EYA1: variants seen among roughly 807,000 people sequenced by gnomAD.
EYA1 encodes EYA transcriptional coactivator and phosphatase 1, also known as protein phosphatase EYA1.
In EYA1, 16 loss-of-function variants were observed where a neutral mutation model predicts 82.0. The observed-to-expected ratio is 0.20, with a 90% confidence interval of 0.13 to 0.30. The LOEUF is 0.30. Ranked by LOEUF, EYA1 falls within the 10% of genes least tolerant of loss-of-function variation. The probability of loss-of-function intolerance (pLI) is 1.00; values close to 1 mark genes in which losing one functional copy is unlikely to be tolerated. For synonymous variants in EYA1, 261 were observed against 264.4 expected (o/e 0.99, Z 0.12); for missense variants, 633 against 730.7 (o/e 0.87, Z 1.54).
intron 6 of EYA1, among the ~76,000 whole-genome samples, chr8:71,318,774 G>A (rs1326908692): frequency 6.6e-6 from 1 of 152,198 alleles, no homozygotes; most frequent in East Asian, 1.9e-4. Flanking sequence ...GCAGAGTACA[G>A]CTAGGTAATT....
chr8:71,355,244 T>C (rs1437984692), intron 2 of EYA1, among the ~76,000 whole-genome samples: 4 of 152,238 alleles, frequency 2.6e-5, no homozygotes, highest in African/African-American at 4.8e-5. Context: ...CATCGTTGTC[T>C]TTTTATATTA....
intron 2 of EYA1, among the ~76,000 whole-genome samples, chr8:71,387,586 G>A (rs1802065904): frequency 6.6e-6 from 1 of 152,068 alleles, no homozygotes; most frequent in Non-Finnish European, 1.5e-5. Flanking sequence ...TTATGTTATG[G>A]TAGAGCTCAG....
In EYA1 at chr8:71,322,069, T is replaced by C. The variant is rs1156900269; in HGVS notation, c.272+130A>G. 4 of 1,084,598 alleles carry C rather than the reference T, an allele frequency of 3.7e-6. No homozygotes were observed. In the African/African-American group the frequency reaches 6.2e-5, roughly 17 times the overall value. The allele number at this position is 1,084,598 out of a possible 1,614,324, so 67.2% of individuals were successfully genotyped here. On this transcript the variant is annotated intron_variant, in intron 5 of 17. Transcript: ENST00000340726. Reference sequence around the variant, plus strand: ...GATGCTCAAAATAAATTTGTATCAATATGTTTACATCTCTATGAAATGCAC... The same window carrying C: ...GATGCTCAAAATAAATTTGTATCAACATGTTTACATCTCTATGAAATGCAC...
chr8:71,361,831 G>T lies in EYA1; in HGVS notation c.-239C>A, dbSNP rs1827409764. 1 of 985,330 alleles carries T rather than the reference G, an allele frequency of 1.0e-6. No individual in the cohort carries two copies. Among genetic ancestry groups the T allele is most frequent in the Non-Finnish European group, 1.2e-6 (1 of 829,938 alleles). The allele number at this position is 985,330 out of a possible 1,614,324, so 61.0% of individuals were successfully genotyped here. Reference sequence around the variant, plus strand: ...CTGCAGGGGAAAGCTCGGCGCAGGGGGCAGGCGCCTGGCCGCTGCCGCAGG... The same window carrying T: ...CTGCAGGGGAAAGCTCGGCGCAGGGTGCAGGCGCCTGGCCGCTGCCGCAGG... On this transcript the variant is annotated 5_prime_UTR_variant, in exon 1 of 18. Transcript: ENST00000340726.
At chr8:71,455,775 T>C (rs1190451222) in intron 2 of EYA1, among the ~76,000 whole-genome samples, 1 of 152,176 alleles carries the variant, frequency 6.6e-6, no homozygotes, top group Non-Finnish European at 1.5e-5. Context: ...TAAGAGCTAT[T>C]TATGACAAAC....
At chr8:71,212,345 A>G (rs1298697973) in intron 16 of EYA1, among the ~76,000 whole-genome samples, 1 of 152,234 alleles carries the variant, frequency 6.6e-6, no homozygotes, top group Non-Finnish European at 1.5e-5. Context: ...TTAGTTGTCC[A>G]CTAAACTGTG....
At chr8:71,523,173 CTTTTTCTTTT>C (rs1335436533) in intron 2 of EYA1, among the ~76,000 whole-genome samples, 2 of 110,828 alleles carry the variant, frequency 1.8e-5, no homozygotes, top group African/African-American at 3.7e-5. Flanking sequence ...TTTCTTTTTT[CTTTTTCTTTT>C]TTTTTTTTTT....
rs867470538 is a variant in EYA1 at position 71,446,534 on chromosome 8, A to G, written c.33+89210T>C. On this transcript the variant is annotated intron_variant, in intron 2 of 18. Coordinates refer to the EYA1 transcript ENST00000643681. Reference sequence around the variant, plus strand: ...AGCAGTGCGAAAATGGACTATTACAACCATAATATCCGTTACCTCAAGAAA... The same window carrying G: ...AGCAGTGCGAAAATGGACTATTACAGCCATAATATCCGTTACCTCAAGAAA... Among the ~76,000 whole-genome samples, 17 of 152,318 alleles carry G rather than the reference A, an allele frequency of 1.1e-4. No homozygotes were observed. In the Middle Eastern group the frequency reaches 0.014, roughly 122 times the overall value.
chr8:71,358,696 C>T (rs759188336), intron 1 of EYA1, among the ~76,000 whole-genome samples: 2 of 152,066 alleles, frequency 1.3e-5, no homozygotes, highest in Non-Finnish European at 2.9e-5. Flanking sequence ...GATTACAGTG[C>T]AGAAGGAAAC....
intron 2 of EYA1, among the ~76,000 whole-genome samples, chr8:71,368,657 T>C (rs1055358829): frequency 1.3e-5 from 2 of 152,158 alleles, no homozygotes; most frequent in Non-Finnish European, 2.9e-5. Flanking sequence ...ATTTGCAGTA[T>C]CGTCACAGTA....
chr8:71,538,603 A>T (rs1814901863), intron 1 of EYA1, among the ~76,000 whole-genome samples: 1 of 152,230 alleles, frequency 6.6e-6, no homozygotes, highest in African/African-American at 2.4e-5. Flanking sequence ...ATCTACACAC[A>T]TAGAGAGCAA....
At chr8:71,524,521 A>G (rs139999251) in intron 2 of EYA1, among the ~76,000 whole-genome samples, 138 of 152,338 alleles carry the variant, frequency 9.1e-4, no homozygotes, top group African/African-American at 3.2e-3. Context: ...TTCTTGAAAA[A>G]CATCCCTGTG....
At chr8:71,537,994 C>T (rs572904657) in intron 1 of EYA1, among the ~76,000 whole-genome samples, 7 of 152,286 alleles carry the variant, frequency 4.6e-5, no homozygotes, top group African/African-American at 1.7e-4. Context: ...GTAGATGCCT[C>T]CAGTAAAAAG....
At chr8:71,364,985 T>TATATATATATATAC (rs1563538598), upstream of EYA1, among the ~76,000 whole-genome samples, 1 of 117,282 alleles carries the variant, frequency 8.5e-6, no homozygotes, top group African/African-American at 3.5e-5. Flanking sequence ...TATATATATA[T>TATATATATATATAC]ACATATACAC....
intron 2 of EYA1, among the ~76,000 whole-genome samples, chr8:71,478,124 AACT>A (rs1809815696): frequency 6.6e-6 from 1 of 152,190 alleles, no homozygotes; most frequent in East Asian, 1.9e-4. Flanking sequence ...ATATACTGAA[AACT>A]ACTGAATTTT....
intron 1 of EYA1, among the ~76,000 whole-genome samples, chr8:71,357,973 C>CTT (rs747409634): frequency 0.039 from 5,655 of 143,918 alleles, 112 homozygotes; most frequent in African/African-American, 0.044. Flanking sequence ...TTTCCTTTTT[C>CTT]TTTTTTTTTT....
intron 9 of EYA1, among the ~76,000 whole-genome samples, chr8:71,283,533 T>TA (rs1428895229): frequency 6.6e-6 from 1 of 152,064 alleles, no homozygotes; most frequent in African/African-American, 2.4e-5. Flanking sequence ...GTTAAACTTT[T>TA]TTTTTTTTTC....
intron 9 of EYA1, among the ~76,000 whole-genome samples, chr8:71,290,055 C>T (rs1818825510): frequency 6.6e-6 from 1 of 152,142 alleles, no homozygotes; most frequent in African/African-American, 2.4e-5. Flanking sequence ...TCTGTAAACA[C>T]ATCTATGCCT....
intron 17 of EYA1, among the ~76,000 whole-genome samples, chr8:71,207,528 G>A (rs950327424): frequency 6.6e-6 from 1 of 152,072 alleles, no homozygotes; most frequent in African/African-American, 2.4e-5. Context: ...AGATATTTTT[G>A]GACTCTTGTC....
Sources: allele counts gnomAD v4.1 joint callset (sites outside exome capture counted in the v4.1 genomes callset), GRCh38; gene constraint gnomAD v4.1.1; transcripts MANE v1.5; gene names NCBI Gene and HGNC (gene_info 2026-07-23, HGNC 2026-07-21).